PPP2R2B: variants seen among roughly 807,000 people sequenced by gnomAD.
PPP2R2B encodes the protein serine/threonine-protein phosphatase 2A 55 kDa regulatory subunit B beta isoform.
Under a neutral mutation model 46.0 loss-of-function variants are expected in PPP2R2B, and 5 were observed. That is an observed-to-expected ratio of 0.11 (90% CI 0.06 to 0.23). PPP2R2B has a LOEUF of 0.23. Among genes scored for constraint, PPP2R2B ranks in the 10% least tolerant of loss-of-function variants. The probability of loss-of-function intolerance (pLI) is 1.00; values close to 1 mark genes in which losing one functional copy is unlikely to be tolerated. For synonymous variants in PPP2R2B, 215 were observed against 206.7 expected (o/e 1.04, Z -0.34); for missense variants, 367 against 575.0 (o/e 0.64, Z 3.70).
At chr5:146,600,155 C>T in intron 8 of PPP2R2B, 136 bp downstream of exon 8, 1 of 907,872 alleles carries the variant, frequency 1.1e-6, no homozygotes, top group South Asian at 1.7e-5. Flanking sequence ...CACTTATAGC[C>T]TGTACCATTT....
Position 146,857,929 on chromosome 5 carries a change from C to T in PPP2R2B, c.70+20073G>A, listed in dbSNP as rs145622818. 2.7e-3 allele frequency among the ~76,000 whole-genome samples: 411 copies of T among 152,278 alleles called. 2 individuals are homozygous for T. The highest frequency in any genetic ancestry group is 9.3e-3 in the African/African-American group (387 of 41,562). On this transcript the variant is annotated intron_variant, in intron 2 of 9. Coordinates refer to ENST00000394411, the MANE Select transcript of PPP2R2B (RefSeq NM_181675.4). ...CTCGAACTCCCGACCTCAGGTGATCCGCCTGCCTTTGGCCTCCCAAAGTGC... is the reference window on the plus strand; with the variant it reads ...CTCGAACTCCCGACCTCAGGTGATCTGCCTGCCTTTGGCCTCCCAAAGTGC...
intron 7 of PPP2R2B, among the ~76,000 whole-genome samples, chr5:146,626,194 T>C (rs1403429503): frequency 6.6e-6 from 1 of 151,088 alleles, no homozygotes; most frequent in Non-Finnish European, 1.5e-5. Context: ...GAGAAAGAGG[T>C]GAACTTTGAT....
intron 2 of PPP2R2B, among the ~76,000 whole-genome samples, chr5:147,074,726 C>T (rs1337585268): frequency 6.6e-6 from 1 of 152,116 alleles, no homozygotes; most frequent in Non-Finnish European, 1.5e-5. Flanking sequence ...TTAGAGGATT[C>T]CTCTTTGCAA....
chr5:146,765,082 C>T (rs990123756), intron 2 of PPP2R2B, among the ~76,000 whole-genome samples: 1 of 152,128 alleles, frequency 6.6e-6, no homozygotes, highest in Non-Finnish European at 1.5e-5. Context: ...TATTTTATGA[C>T]AAATGTATCT....
At position 146,968,869 on chromosome 5, in the gene PPP2R2B, C is replaced by T. The variant is rs990816954; in HGVS notation, c.79+86796G>A. Reference sequence around the variant, plus strand: ...CATCTCAAAAGTATAGATTATAGTACAATCTAGTAATTAGGAAGAAATGAG... The same window carrying T: ...CATCTCAAAAGTATAGATTATAGTATAATCTAGTAATTAGGAAGAAATGAG... On this transcript the variant is annotated intron_variant, in intron 1 of 8. Transcript: ENST00000336640. Among the ~76,000 whole-genome samples the T allele has an allele frequency of 2.6e-5, 4 of 152,180 alleles. No individual in the cohort carries two copies. The South Asian group carries it at 8.3e-4, about 32-fold the overall frequency.
intron 7 of PPP2R2B, among the ~76,000 whole-genome samples, chr5:146,607,975 A>G (rs1319954245): frequency 1.3e-5 from 2 of 152,254 alleles, no homozygotes; most frequent in East Asian, 1.9e-4. Context: ...TCAATTTTGT[A>G]TAATTTTTAT....
intron 7 of PPP2R2B, among the ~76,000 whole-genome samples, chr5:146,608,022 C>G (rs1406013738): frequency 6.6e-6 from 1 of 152,168 alleles, no homozygotes; most frequent in African/African-American, 2.4e-5. Context: ...ATTTCTTCAA[C>G]TATTTGAAAA....
chr5:147,071,521 A>C (rs959118712), intron 2 of PPP2R2B, among the ~76,000 whole-genome samples: 1 of 152,188 alleles, frequency 6.6e-6, no homozygotes, highest in Non-Finnish European at 1.5e-5. Flanking sequence ...TCAACTTCAG[A>C]CACACTGGCC....
intron 7 of PPP2R2B, among the ~76,000 whole-genome samples, chr5:146,631,761 C>T (rs1035178509): frequency 6.6e-6 from 1 of 152,196 alleles, no homozygotes; most frequent in Non-Finnish European, 1.5e-5. Context: ...CCTGGTGAAA[C>T]TGTCGAGACC....
At chr5:146,752,218 T>A (rs188147123) in intron 2 of PPP2R2B, among the ~76,000 whole-genome samples, 139 of 152,224 alleles carry the variant, frequency 9.1e-4, no homozygotes, top group African/African-American at 3.3e-3. Flanking sequence ...ACTGTAGGGT[T>A]GCCTTGCACT....
intron 1 of PPP2R2B, among the ~76,000 whole-genome samples, chr5:146,972,168 T>C (rs1752689436): frequency 1.3e-5 from 2 of 150,784 alleles, no homozygotes; most frequent in Non-Finnish European, 2.9e-5. Context: ...TGTCTCTCAA[T>C]TTGGGTTTGT....
chr5:146,760,112 A>C (rs1415802790), intron 2 of PPP2R2B, among the ~76,000 whole-genome samples: 1 of 152,226 alleles, frequency 6.6e-6, no homozygotes, highest in South Asian at 2.1e-4. Context: ...TTAGCACAGC[A>C]TGTAACACAC....
intron 5 of PPP2R2B, among the ~76,000 whole-genome samples, chr5:146,685,110 C>G (rs1008307253): frequency 6.6e-6 from 1 of 152,174 alleles, no homozygotes; most frequent in East Asian, 1.9e-4. Flanking sequence ...CACTGAGATA[C>G]AAAATACATG....
At chr5:146,737,173 C>G (rs1045247273) in intron 2 of PPP2R2B, among the ~76,000 whole-genome samples, 6 of 152,158 alleles carry the variant, frequency 3.9e-5, no homozygotes, top group African/African-American at 1.4e-4. Context: ...CTGGGGACTT[C>G]ATACTGGCAG....
chr5:146,737,270 T>C (rs1581987153), intron 2 of PPP2R2B, among the ~76,000 whole-genome samples: 1 of 152,182 alleles, frequency 6.6e-6, no homozygotes, highest in Non-Finnish European at 1.5e-5. Flanking sequence ...TGCCTTCTAG[T>C]AGTATTTTTT....
At chr5:146,698,516 G>A (rs1394869593) in intron 3 of PPP2R2B, among the ~76,000 whole-genome samples, 1 of 151,584 alleles carries the variant, frequency 6.6e-6, no homozygotes, top group Non-Finnish European at 1.5e-5. Flanking sequence ...CCTTTGGAGT[G>A]AGTCATCCCA....
intron 2 of PPP2R2B, chr5:146,706,240 C>G: frequency 2.1e-6 from 1 of 472,440 alleles, no homozygotes; most frequent in South Asian, 1.8e-5. Flanking sequence ...ACACCAGCTT[C>G]CCATCTCGGG....
chr5:147,003,553 C>T (rs192848802), intron 1 of PPP2R2B, among the ~76,000 whole-genome samples: 485 of 152,214 alleles, frequency 3.2e-3, no homozygotes, highest in Non-Finnish European at 5.0e-3. Flanking sequence ...GAAAAGAATG[C>T]GGCTTTAGCT....
intron 1 of PPP2R2B, among the ~76,000 whole-genome samples, chr5:146,952,140 C>A (rs1751643917): frequency 6.6e-6 from 1 of 152,076 alleles, no homozygotes; most frequent in Middle Eastern, 3.4e-3. Context: ...TTATCATGAT[C>A]TTCAATATCT....
Sources: allele counts gnomAD v4.1 joint callset (sites outside exome capture counted in the v4.1 genomes callset), GRCh38; gene constraint gnomAD v4.1.1; transcripts MANE v1.5; gene names NCBI Gene and HGNC (gene_info 2026-07-23, HGNC 2026-07-21).